Variants in NRXN1 observed in about 807,000 individuals in gnomAD.
The protein encoded by NRXN1 is neurexin-1.
NRXN1 carries 39 observed loss-of-function variants against 150.9 expected under a neutral mutation model. That is an observed-to-expected ratio of 0.26 (90% CI 0.20 to 0.34). NRXN1 has a LOEUF of 0.34. NRXN1 is among the 10% of genes least tolerant of loss of function. NRXN1 has a pLI of 1.00. For synonymous variants in NRXN1, 924 were observed against 757.0 expected (o/e 1.22, Z -3.62); for missense variants, 1,815 against 1,949.9 (o/e 0.93, Z 1.30).
At chr2:50,236,181 C>T (rs1347756117) in intron 18 of NRXN1, among the ~76,000 whole-genome samples, 2 of 151,960 alleles carry the variant, frequency 1.3e-5, no homozygotes, top group African/African-American at 4.8e-5. Flanking sequence ...AGGCTTACAA[C>T]TTTAGAGAAA....
chr2:50,711,422 G>C (rs374284555), intron 5 of NRXN1, among the ~76,000 whole-genome samples: 1 of 142,224 alleles, frequency 7.0e-6, no homozygotes, highest in Non-Finnish European at 1.5e-5. Context: ...TGCAACCTCC[G>C]CCTCCCAGGT....
intron 5 of NRXN1, chr2:50,632,978 C>A (rs904634116): frequency 2.0e-5 from 3 of 152,030 alleles, no homozygotes; most frequent in Admixed American, 6.6e-5. Context: ...CAATAAAATT[C>A]TCTGTGGGTT....
At chr2:49,956,092 C>A (rs940285581) in intron 21 of NRXN1, among the ~76,000 whole-genome samples, 11 of 152,098 alleles carry the variant, frequency 7.2e-5, no homozygotes, top group Non-Finnish European at 1.3e-4. Flanking sequence ...TTCAAGGTTG[C>A]ATCCCCAGGG....
chr2:50,817,424 A>AC (rs1463087518), intron 5 of NRXN1, among the ~76,000 whole-genome samples: 1 of 148,972 alleles, frequency 6.7e-6, no homozygotes, highest in Non-Finnish European at 1.5e-5. Context: ...ACACAAAACA[A>AC]TAAAAAAAAA....
chr2:50,164,066 A>G (rs115744591), intron 18 of NRXN1, among the ~76,000 whole-genome samples: 140 of 152,304 alleles, frequency 9.2e-4, no homozygotes, highest in African/African-American at 3.4e-3. Flanking sequence ...CCAATTTCAC[A>G]TTGTTTAGTA....
chr2:50,936,100 T>C (rs1040840812), intron 2 of NRXN1, among the ~76,000 whole-genome samples: 6 of 152,168 alleles, frequency 3.9e-5, no homozygotes, highest in African/African-American at 1.4e-4. Flanking sequence ...TTAATCCATA[T>C]GTCCCAAGCA....
rs1383397513 is a variant in NRXN1, at chr2:50,598,621, C to CGTGTATAT, written c.1320+21400_1320+21401insATATACAC. Among the ~76,000 whole-genome samples, 279 of 136,510 alleles carry CGTGTATAT rather than the reference C, an allele frequency of 2.0e-3. 2 individuals are homozygous for CGTGTATAT. The highest frequency in any genetic ancestry group is 7.4e-3 in the African/African-American group (266 of 36,002). 89.6% of individuals were successfully genotyped at this position (136,510 alleles called of 152,430 possible). On this transcript the variant is annotated intron_variant, in intron 8 of 22. Transcript: ENST00000401669. ...GCGCGTGTATATATACATATATATA[C>CGTGTATAT]ATGTATATATGTATATATGTGTGTG...
chr2:50,948,347 G>A (rs1690746232), intron 2 of NRXN1, among the ~76,000 whole-genome samples: 1 of 151,958 alleles, frequency 6.6e-6, no homozygotes, highest in Non-Finnish European at 1.5e-5. Context: ...ATTGTTCTAA[G>A]TATTTATACA....
At chr2:50,652,747 A>G (rs1685830398) in intron 5 of NRXN1, among the ~76,000 whole-genome samples, 1 of 152,034 alleles carries the variant, frequency 6.6e-6, no homozygotes, top group Non-Finnish European at 1.5e-5. Context: ...TGATAAATCT[A>G]TGCTTAACAG....
At chr2:50,103,552 T>G (rs1414926699) in intron 18 of NRXN1, among the ~76,000 whole-genome samples, 1 of 151,976 alleles carries the variant, frequency 6.6e-6, no homozygotes, top group African/African-American at 2.4e-5. Flanking sequence ...CTCTATCCAA[T>G]TCTACTTCCA....
intron 5 of NRXN1, among the ~76,000 whole-genome samples, chr2:50,656,919 G>T (rs952124857): frequency 1.3e-5 from 2 of 151,842 alleles, no homozygotes; most frequent in African/African-American, 4.8e-5. Context: ...AAAATTAAAT[G>T]GAAGAGAAAT....
chr2:50,128,929 G>A (rs1196484663), intron 18 of NRXN1, among the ~76,000 whole-genome samples: 1 of 149,920 alleles, frequency 6.7e-6, no homozygotes, highest in Non-Finnish European at 1.5e-5. Flanking sequence ...GTTGCAGTGA[G>A]CCGAGATCAC....
At chr2:50,637,701 G>C (rs1683435013) in intron 5 of NRXN1, 1 of 152,128 alleles carries the variant, frequency 6.6e-6, no homozygotes, top group Non-Finnish European at 1.5e-5. Context: ...CAGAAAACTT[G>C]GATAGCTCTA....
At chr2:49,970,357 T>C (rs936819864) in intron 21 of NRXN1, 1 of 152,130 alleles carries the variant, frequency 6.6e-6, no homozygotes, top group African/African-American at 2.4e-5. Context: ...GTAGTGATAA[T>C]ACACATAGTT....
chr2:50,829,602 C>T (rs1671097789), intron 5 of NRXN1: 1 of 1,611,856 alleles, frequency 6.2e-7, no homozygotes, highest in Admixed American at 1.7e-5. Context: ...GCTGGAGAGC[C>T]TTGAATATTT....
At chr2:50,296,774 C>T (rs1432431935) in intron 17 of NRXN1, among the ~76,000 whole-genome samples, 1 of 151,778 alleles carries the variant, frequency 6.6e-6, no homozygotes, top group Non-Finnish European at 1.5e-5. Flanking sequence ...AGCCAGCTGC[C>T]ACTTATAAGT....
chr2:50,763,411 CTAAG>C (rs1702038263), intron 5 of NRXN1, among the ~76,000 whole-genome samples: 4 of 152,010 alleles, frequency 2.6e-5, no homozygotes, highest in African/African-American at 9.6e-5. Context: ...TATATGGTGA[CTAAG>C]TAAGATAATG....
At chr2:50,655,261 A>AG (rs1559081339) in intron 5 of NRXN1, among the ~76,000 whole-genome samples, 1 of 151,932 alleles carries the variant, frequency 6.6e-6, no homozygotes, top group Non-Finnish European at 1.5e-5. Flanking sequence ...AAAATTAAAA[A>AG]AAACACCAAA....
intron 5 of NRXN1, among the ~76,000 whole-genome samples, chr2:50,777,122 G>C (rs1167614546): frequency 1.3e-5 from 2 of 152,098 alleles, no homozygotes; most frequent in Non-Finnish European, 2.9e-5. Context: ...TGTATTCTCA[G>C]ATGGTGAATA....
Sources: gnomAD v4.1 joint callset for allele counts (sites outside exome capture counted in the v4.1 genomes callset) on GRCh38, gnomAD v4.1.1 for gene constraint, MANE v1.5 for transcripts, NCBI Gene and HGNC (gene_info 2026-07-23, HGNC 2026-07-21) for gene names.